The following SMARCA2 variants were observed in gnomAD, a reference collection of about 807,000 sequenced individuals.
The protein encoded by SMARCA2 is SWI/SNF related BAF chromatin remodeling complex subunit ATPase 2, also known as SWI/SNF-related matrix-associated actin-dependent regulator of chromatin subfamily A member 2.
In SMARCA2, 61 loss-of-function variants were observed where a neutral mutation model predicts 199.8. The ratio of observed to expected loss-of-function variants is 0.31; its 90% CI spans 0.25 to 0.38. SMARCA2 has a LOEUF of 0.38. Among genes scored for constraint, SMARCA2 ranks in the 10% least tolerant of loss-of-function variants. The pLI, the probability that SMARCA2 is intolerant of heterozygous loss-of-function variation, is 1.00. For missense variants in SMARCA2, 1,344 were observed against 2,012.2 expected (o/e 0.67, Z 6.35); for synonymous variants, 935 against 732.0 (o/e 1.28, Z -4.48).
Position 2,058,286 on chromosome 9 carries a change from T to A in SMARCA2, c.1348-5T>A, listed in dbSNP as rs754638903. On this transcript the variant is annotated splice_region_variant and splice_polypyrimidine_tract_variant and intron_variant, in intron 7 of 33. Coordinates refer to ENST00000349721, the MANE Select transcript of SMARCA2 (RefSeq NM_003070.5). Reference sequence around the variant, plus strand: ...ATCCTTTTCTTCCCTTTTTGGATCTTCTAGGAATACCTGAACAGTATTTTG... The same window carrying A: ...ATCCTTTTCTTCCCTTTTTGGATCTACTAGGAATACCTGAACAGTATTTTG... 6.2e-7 allele frequency: 1 copy of A among 1,613,342 alleles called. No homozygotes were observed.
At chr9:2,159,196 A>C (rs1184432996) in intron 27 of SMARCA2, among the ~76,000 whole-genome samples, 1 of 152,216 alleles carries the variant, frequency 6.6e-6, no homozygotes, top group Non-Finnish European at 1.5e-5. Flanking sequence ...TGAGAGTAGA[A>C]ATATCCTTTT....
chr9:2,077,611 C>T lies in SMARCA2; in HGVS notation c.2037-18C>T, dbSNP rs779093431. 1.9e-6 allele frequency: 3 copies of T among 1,611,014 alleles called. No individual in the cohort carries two copies. Among genetic ancestry groups the T allele is most frequent in the South Asian group, 2.2e-5 (2 of 90,894 alleles). ...ACGCACATGTCTGTGTGTGATTCTCCACTTTTTCCTTTCCCAGGACAGCTA... is the reference window on the plus strand; with the variant it reads ...ACGCACATGTCTGTGTGTGATTCTCTACTTTTTCCTTTCCCAGGACAGCTA... On this transcript the variant is annotated intron_variant, in intron 13 of 33. Coordinates refer to ENST00000349721, the MANE Select transcript of SMARCA2 (RefSeq NM_003070.5).
chr9:2,134,508 G>A (rs554479616), intron 27 of SMARCA2, among the ~76,000 whole-genome samples: 57 of 152,218 alleles, frequency 3.7e-4, no homozygotes, highest in African/African-American at 1.3e-3. Flanking sequence ...TACCCACATG[G>A]CTATTAACTG....
chr9:2,079,385 C>A (rs923805228), intron 14 of SMARCA2, among the ~76,000 whole-genome samples: 1 of 152,230 alleles, frequency 6.6e-6, no homozygotes, highest in Non-Finnish European at 1.5e-5. Context: ...ATCGGGTCCT[C>A]TCTACTCTTA....
At chr9:2,180,900 TGAAACA>T in intron 29 of SMARCA2, among the ~76,000 whole-genome samples, 1 of 152,318 alleles carries the variant, frequency 6.6e-6, no homozygotes, top group Non-Finnish European at 1.5e-5. Flanking sequence ...CTTAAGCTTG[TGAAACA>T]TGTTCTTCTT....
intron 3 of SMARCA2, among the ~76,000 whole-genome samples, chr9:2,037,880 T>C (rs962783244): frequency 1.3e-5 from 2 of 152,256 alleles, no homozygotes; most frequent in Admixed American, 6.5e-5. Context: ...CTTTCCTTCA[T>C]CTTGGAGCTC....
Position 2,161,541 on chromosome 9 carries a change from C to A in SMARCA2, c.3982-145C>A, listed in dbSNP as rs985258555. 14 of 612,836 alleles carry A rather than the reference C, an allele frequency of 2.3e-5. No individual in the cohort carries two copies. In the African/African-American group the frequency reaches 2.4e-4, roughly 11 times the overall value. The allele number at this position is 612,836 out of a possible 1,614,324, so 38.0% of individuals were successfully genotyped here. On this transcript the variant is annotated intron_variant, in intron 27 of 33. Transcript: ENST00000349721. This position sits in a 1 kb window ranked among gnomAD's most constrained non-coding sequence, Gnocchi z 4.7. ...GCATTCCTTTTTTCTTCTTCCTCCA[C>A]TGATTACTGTTAACTTTTACTTTTT... is the stretch of plus-strand genomic sequence containing the variant.
Position 2,047,359 on chromosome 9 carries a change from GCC to G in SMARCA2, c.922_923del (p.Pro308AlafsTer49), listed in dbSNP as rs1819908335. On this transcript the variant is annotated frameshift_variant, in exon 5 of 34. Transcript: ENST00000349721. LOFTEE classifies it high-confidence loss of function. The stretch of plus-strand genomic sequence containing the variant: ...CGGCCGCAGTGCCCGGGCCCTCAGT[GCC>G]GCAGCCGGCCCCGGGGCAGCCCTCG... ...PAAAVPGPSV[P>X]QPAPGQPSPV... 6.7e-7 allele frequency: 1 copy of G among 1,495,808 alleles called. No homozygotes were observed. The highest frequency in any genetic ancestry group is 1.4e-5 in the African/African-American group (1 of 69,310). 92.7% of individuals were successfully genotyped at this position (1,495,808 alleles called of 1,614,324 possible).
chr9:2,111,486 T>G (rs1822997155), intron 24 of SMARCA2, among the ~76,000 whole-genome samples: 2 of 125,242 alleles, frequency 1.6e-5, no homozygotes, highest in African/African-American at 3.4e-5. Flanking sequence ...AGCAAGACCG[T>G]GTCTCAAAAA....
At position 2,104,162 on chromosome 9, in the gene SMARCA2, C is replaced by G. The variant is rs753839466; in HGVS notation, c.3285C>G (p.Arg1095=). The change falls in exon 23 of 34, where the codon CGC becomes CGG. Residue 1095 remains arginine, a synonymous_variant. Coordinates refer to ENST00000349721, the MANE Select transcript of SMARCA2 (RefSeq NM_003070.5). The surrounding 1 kb of genome is among the most constrained non-coding windows in gnomAD (Gnocchi z 4.0). ...YFAFRNFLYL[R]LDGTTKSEDR... is the part of the protein sequence containing the mutation. The stretch of plus-strand genomic sequence containing the variant: ...CTTTTCGGAACTTCCTTTACCTACG[C>G]CTTGATGGTAAGTGCATAAGGCATT... 1 of 1,613,572 alleles carries G rather than the reference C, an allele frequency of 6.2e-7. No individual in the cohort carries two copies. The highest frequency in any genetic ancestry group is 8.5e-7 in the Non-Finnish European group (1 of 1,179,672).
intron 27 of SMARCA2, among the ~76,000 whole-genome samples, chr9:2,129,786 A>T (rs367868526): frequency 2.0e-5 from 3 of 152,176 alleles, no homozygotes; most frequent in East Asian, 3.9e-4. Flanking sequence ...TATCAGAACA[A>T]AGTTACTCCT....
chr9:2,144,625 G>T (rs372346359), intron 27 of SMARCA2, among the ~76,000 whole-genome samples: 7 of 152,192 alleles, frequency 4.6e-5, no homozygotes, highest in African/African-American at 1.7e-4. Flanking sequence ...ACCATATGGA[G>T]GATTGGAGTC....
At chr9:2,078,072 G>A (rs1179271566) in intron 14 of SMARCA2, among the ~76,000 whole-genome samples, 5 of 152,110 alleles carry the variant, frequency 3.3e-5, no homozygotes, top group Admixed American at 2.6e-4. Context: ...GAACATCCAC[G>A]CCTCATCTTG....
chr9:2,147,706 C>T (rs1013289047), intron 27 of SMARCA2, among the ~76,000 whole-genome samples: 5 of 145,234 alleles, frequency 3.4e-5, no homozygotes, highest in Admixed American at 6.8e-5. Context: ...ATTAGCGGGG[C>T]GTGGTGGGCG....
In SMARCA2 at chr9:2,056,857, C is replaced by T. The variant is rs34020027; in HGVS notation, c.1347+12C>T. 7 of 1,607,112 alleles carry T rather than the reference C, an allele frequency of 4.4e-6. No individual in the cohort carries two copies. Among genetic ancestry groups the T allele is most frequent in the Non-Finnish European group, 6.0e-6 (7 of 1,176,420 alleles). On this transcript the variant is annotated intron_variant, in intron 7 of 33. Transcript: ENST00000349721. This position sits in a 1 kb window ranked among gnomAD's most constrained non-coding sequence, Gnocchi z 4.0. ...GTCAGAAACACCAGGTTCTTAGACC[C>T]TGGGCTTTGCTCACCCTCACTTTGG...
intron 29 of SMARCA2, among the ~76,000 whole-genome samples, chr9:2,173,629 C>A (rs1826379337): frequency 6.6e-6 from 1 of 152,124 alleles, no homozygotes; most frequent in South Asian, 2.1e-4. Context: ...AGGTCAGCGC[C>A]TCATGCATTG....
chr9:2,089,076 T>TAA (rs1821934091), intron 19 of SMARCA2, among the ~76,000 whole-genome samples: 1 of 152,118 alleles, frequency 6.6e-6, no homozygotes, highest in South Asian at 2.1e-4. Flanking sequence ...TGACAGTAAG[T>TAA]GAAAAAACAG....
chr9:2,031,215 C>T (rs778131020), intron 2 of SMARCA2, among the ~76,000 whole-genome samples: 1 of 152,054 alleles, frequency 6.6e-6, no homozygotes, highest in African/African-American at 2.4e-5. Flanking sequence ...AGTTTTCTGT[C>T]TCCTCTTTTT....
rs981565985 is a variant in SMARCA2 at position 2,047,353 on chromosome 9, C to G, written c.915C>G (p.Pro305=). 1.0e-5 allele frequency: 15 copies of G among 1,468,320 alleles called. No individual in the cohort carries two copies. In the African/African-American group the frequency reaches 2.2e-4, roughly 22 times the overall value. 91.0% of individuals were successfully genotyped at this position (1,468,320 alleles called of 1,614,324 possible). Residue 305 remains proline, a synonymous_variant, in exon 5 of 34, where the codon CCC becomes CCG. Transcript: ENST00000349721. ...CGCCCGCGGCCGCAGTGCCCGGGCCCTCAGTGCCGCAGCCGGCCCCGGGGC... is the reference window on the plus strand; with the variant it reads ...CGCCCGCGGCCGCAGTGCCCGGGCCGTCAGTGCCGCAGCCGGCCCCGGGGC... ...AQPPAAAVPG[P]SVPQPAPGQP...
Sources: gnomAD v4.1 joint callset for allele counts (sites outside exome capture counted in the v4.1 genomes callset) on GRCh38, gnomAD v4.1.1 for gene constraint, Gnocchi (gnomAD v3.1) non-coding constraint, MANE v1.5 for transcripts, NCBI Gene and HGNC (gene_info 2026-07-23, HGNC 2026-07-21) for gene names.